The following DHX29 variants were observed in gnomAD, a reference collection of about 807,000 sequenced individuals.
DHX29 encodes DExH-box helicase 29, also known as ATP-dependent RNA helicase DHX29.
Under a neutral mutation model 167.9 loss-of-function variants are expected in DHX29, and 79 were observed. The observed-to-expected ratio is 0.47, with a 90% CI of 0.39 to 0.57. DHX29 has a LOEUF of 0.57. DHX29 is among the 20% of genes least tolerant of loss of function. The pLI, the probability that DHX29 is intolerant of heterozygous loss-of-function variation, is 0.00. For synonymous variants in DHX29, 530 were observed against 546.0 expected, an observed-to-expected ratio of 0.97 and a Z score of 0.41; for missense variants, 1,347 against 1,593.4, an observed-to-expected ratio of 0.85 and a Z score of 2.63.
intron 23 of DHX29, 32 bp from the exon 24 acceptor site, chr5:55,262,964 T>A (rs1746381996): frequency 6.7e-7 from 1 of 1,485,740 alleles, no homozygotes; most frequent in South Asian, 1.2e-5. Context: ...ACACAAATAA[T>A]CAAATTGATT....
intron 24 of DHX29, 134 bp downstream of exon 24, chr5:55,262,496 G>A: frequency 8.6e-7 from 1 of 1,165,428 alleles, no homozygotes; most frequent in South Asian, 1.6e-5. Context: ...TGTGCATCTT[G>A]ATTTCAAATA....
chr5:55,264,116 G>A (rs1394612499), intron 23 of DHX29, among the ~76,000 whole-genome samples: 1 of 151,540 alleles, frequency 6.6e-6, no homozygotes, highest in East Asian at 1.9e-4. Context: ...CCAACACAGT[G>A]AGACCCCATC....
chr5:55,266,910 T>A (rs1280223128), intron 23 of DHX29, among the ~76,000 whole-genome samples: 2 of 152,208 alleles, frequency 1.3e-5, no homozygotes, highest in East Asian at 1.9e-4. Context: ...CCAGTCTTTT[T>A]AATTATTTCT....
chr5:55,262,658 GT>G lies in DHX29; in HGVS notation c.3799del (p.Thr1267LeufsTer11). 6.2e-7 allele frequency: 1 copy of G among 1,614,068 alleles called. No homozygotes were observed. The highest frequency in any genetic ancestry group is 8.5e-7 in the Non-Finnish European group (1 of 1,179,962). Reference protein sequence around the residue: ...HPSSVNRDLQTHGWLLYQEKI... With the variant: ...HPSSVNRDLQXHGWLLYQEKI... The stretch of plus-strand genomic sequence containing the variant: ...CTCCTGGTATAAGAGCCATCCATGA[GT>G]TTGCAAATCTCGATTTACTGAGGAT... On this transcript the variant is annotated frameshift_variant, in exon 24 of 27. Coordinates refer to ENST00000251636, the MANE Select transcript of DHX29 (RefSeq NM_019030.4). LOFTEE classifies it high-confidence loss of function.
intron 10 of DHX29, among the ~76,000 whole-genome samples, chr5:55,284,494 T>C (rs2111900868): frequency 6.6e-6 from 1 of 152,294 alleles, no homozygotes; most frequent in South Asian, 2.1e-4. Flanking sequence ...ATAAGGGAAA[T>C]AAAGACATTA....
chr5:55,306,653 A>G (rs1357379514), intron 1 of DHX29, among the ~76,000 whole-genome samples: 1 of 152,220 alleles, frequency 6.6e-6, no homozygotes. Context: ...ATATTTGCAT[A>G]TATACACATA....
Position 55,298,630 on chromosome 5 carries a change from A to C in DHX29, c.222T>G (p.Asp74Glu). 6.4e-7 allele frequency: 1 copy of C among 1,554,964 alleles called. No individual in the cohort carries two copies. The highest frequency in any genetic ancestry group is 8.9e-7 in the Non-Finnish European group (1 of 1,127,740). Residue 74 changes from aspartate to glutamate, a missense_variant, in exon 2 of 27, where the codon GAT (aspartate) becomes GAG (glutamate). This residue lies in a region of DHX29 where 405 missense variants were observed against 416.8 expected (regional missense o/e 0.97). Transcript: ENST00000251636. ...PKIYSFNSTNDSSGPANLDKS... is the reference protein window; with the variant it reads ...PKIYSFNSTNESSGPANLDKS... ...TATCCAGATTTGCAGGACCACTAGA[A>C]TCATTTGTAGAATTAAAACTATAAA...
chr5:55,281,238 T>A (rs1747395203), intron 12 of DHX29, 134 bp downstream of exon 12: 1 of 662,826 alleles, frequency 1.5e-6, no homozygotes, highest in Non-Finnish European at 2.1e-6. Context: ...ATACATTTGT[T>A]ACAAGAAATT....
chr5:55,281,290 A>AATGTT, intron 12 of DHX29, 82 bp downstream of exon 12: 1 of 1,189,222 alleles, frequency 8.4e-7, no homozygotes, highest in Non-Finnish European at 1.1e-6. Context: ...GCATAAAGAA[A>AATGTT]ATGTTATCTA....
intron 5 of DHX29, 118 bp from the exon 6 acceptor site, chr5:55,294,263 T>C (rs1254673025): frequency 1.0e-6 from 1 of 1,004,844 alleles, no homozygotes; most frequent in Non-Finnish European, 1.4e-6. Context: ...AAGCTGTTAT[T>C]CCTTATTGCT....
Position 55,283,403 on chromosome 5 carries a change from G to A in DHX29, c.1765C>T (p.Arg589Trp), listed in dbSNP as rs1433193122. ...DSIVETLKRH[R>W]VVVVAGETGS... ...GTTTCACCTGCCACAACCACTACCC[G>A]ATGCCTTTTAAGAGTTTCAACAATT... The change falls in exon 11 of 27, where the codon CGG becomes TGG. Residue 589 changes from arginine (R) to tryptophan (W), a missense_variant. Around this residue, in one of 3 missense-constraint regions of DHX29, gnomAD observed 882 missense variants for 1,082.4 expected, o/e 0.81. Coordinates refer to ENST00000251636, the MANE Select transcript of DHX29 (RefSeq NM_019030.4). The A allele has an allele frequency of 3.7e-6, 6 of 1,614,002 alleles. No homozygotes were observed. The highest frequency in any genetic ancestry group is 3.3e-5 in the South Asian group (3 of 91,080).
At chr5:55,267,859 T>C (rs903672088) in intron 21 of DHX29, 37 bp from the exon 22 acceptor site, 2 of 1,548,204 alleles carry the variant, frequency 1.3e-6, no homozygotes, top group South Asian at 1.2e-5. Context: ...CAATTTATCA[T>C]TAAAGAGCAA....
chr5:55,293,905 A>G, intron 6 of DHX29, 112 bp downstream of exon 6: 2 of 1,187,770 alleles, frequency 1.7e-6, no homozygotes, highest in Non-Finnish European at 1.2e-6. Context: ...CTTCACATCA[A>G]CCCCTTGGAG....
At chr5:55,282,328 T>G (rs952625701) in intron 11 of DHX29, among the ~76,000 whole-genome samples, 1 of 152,096 alleles carries the variant, frequency 6.6e-6, no homozygotes, top group Non-Finnish European at 1.5e-5. Context: ...ATACTAGGAG[T>G]GCCTAGCGGA....
Position 55,290,237 on chromosome 5 carries a change from T to A in DHX29, c.888A>T (p.Lys296Asn). The A allele has an allele frequency of 3.1e-6, 5 of 1,609,320 alleles. No individual in the cohort carries two copies. Among genetic ancestry groups the A allele is most frequent in the Non-Finnish European group, 4.2e-6 (5 of 1,179,244 alleles). The stretch of plus-strand genomic sequence containing the variant: ...GTTTACCTCTTTGAAATTTCCTTAT[T>A]TTTTCCTGAGCCTCTTTTTGGCCTT... ...NKQGQKEAQEKIRKFQREMET... is the reference protein window; with the variant it reads ...NKQGQKEAQENIRKFQREMET... Residue 296 changes from lysine to asparagine, a missense_variant, in exon 7 of 27, where the codon AAA (lysine) becomes AAT (asparagine). This residue lies in a region of DHX29 where 405 missense variants were observed against 416.8 expected (regional missense o/e 0.97). Transcript: ENST00000251636.
chr5:55,265,611 A>C (rs1184563243), intron 23 of DHX29, among the ~76,000 whole-genome samples: 2 of 152,122 alleles, frequency 1.3e-5, no homozygotes, highest in African/African-American at 2.4e-5. Flanking sequence ...CTTTATTAAA[A>C]AACATATGAA....
intron 1 of DHX29, among the ~76,000 whole-genome samples, chr5:55,299,655 C>G (rs1246837456): frequency 6.6e-6 from 1 of 152,166 alleles, no homozygotes; most frequent in African/African-American, 2.4e-5. Context: ...ACACGGCCTT[C>G]TTCCCTTTCT....
chr5:55,261,512 A>G lies in DHX29; in HGVS notation c.3829-13T>C. ...TGGCATACCTTATCTACATGGGAAAAAGGGGGGAAAATAACTTCAAAATAT... is the reference window on the plus strand; with the variant it reads ...TGGCATACCTTATCTACATGGGAAAGAGGGGGGAAAATAACTTCAAAATAT... On this transcript the variant is annotated splice_polypyrimidine_tract_variant and intron_variant, in intron 24 of 26. Coordinates refer to ENST00000251636, the MANE Select transcript of DHX29 (RefSeq NM_019030.4). The G allele has an allele frequency of 6.6e-7, 1 of 1,507,092 alleles. No homozygotes were observed. Among genetic ancestry groups the G allele is most frequent in the Non-Finnish European group, 9.1e-7 (1 of 1,101,844 alleles). 93.4% of individuals were successfully genotyped at this position (1,507,092 alleles called of 1,614,324 possible).
At chr5:55,287,560 A>G (rs1433114617) in intron 8 of DHX29, among the ~76,000 whole-genome samples, 1 of 152,238 alleles carries the variant, frequency 6.6e-6, no homozygotes, top group African/African-American at 2.4e-5. Context: ...TATACTTGCT[A>G]TATCAATAAT....
Sources: allele counts gnomAD v4.1 joint callset (sites outside exome capture counted in the v4.1 genomes callset), GRCh38; gene constraint gnomAD v4.1.1; regional missense constraint gnomAD v4.1.1; transcripts MANE v1.5; gene names NCBI Gene and HGNC (gene_info 2026-07-23, HGNC 2026-07-21).